AFG2A: variants seen among roughly 807,000 people sequenced by gnomAD.
AFG2A encodes ATPase family gene 2 protein homolog A.
At chr4:123,172,544 A>G in the AFG2A span, among the ~76,000 whole-genome samples, 1 of 152,172 alleles carries the variant, frequency 6.6e-6, no homozygotes, top group Non-Finnish European at 1.5e-5. Flanking sequence ...CTATAGGCGA[A>G]AAAGAGCATT....
At chr4:122,999,219 G>A in the AFG2A span, among the ~76,000 whole-genome samples, 14 of 151,548 alleles carry the variant, frequency 9.2e-5, no homozygotes, top group Non-Finnish European at 1.5e-4. Context: ...CCCTTTGTCA[G>A]ATGAGTAGGT....
chr4:123,037,104 A>ATAAC, the AFG2A span, among the ~76,000 whole-genome samples: 21 of 152,066 alleles, frequency 1.4e-4, no homozygotes, highest in Non-Finnish European at 3.1e-4. Flanking sequence ...TTGAATTGTA[A>ATAAC]TAACTAAAAG....
the AFG2A span, among the ~76,000 whole-genome samples, chr4:123,216,471 T>C: frequency 6.6e-6 from 1 of 152,110 alleles, no homozygotes; most frequent in African/African-American, 2.4e-5. Context: ...CATAACAGAA[T>C]GAGAAACTAT....
At chr4:123,078,989 T>C in the AFG2A span, among the ~76,000 whole-genome samples, 2 of 152,206 alleles carry the variant, frequency 1.3e-5, no homozygotes, top group African/African-American at 4.8e-5. Flanking sequence ...TTCTTCTGTT[T>C]TGCATTGTTT....
chr4:123,207,844 T>G, the AFG2A span, among the ~76,000 whole-genome samples: 1 of 152,190 alleles, frequency 6.6e-6, no homozygotes, highest in Admixed American at 6.5e-5. Flanking sequence ...ATTGTTAAGA[T>G]GTAGGCACTA....
At chr4:123,226,044 T>C in the AFG2A span, among the ~76,000 whole-genome samples, 1 of 152,174 alleles carries the variant, frequency 6.6e-6, no homozygotes, top group Non-Finnish European at 1.5e-5. Context: ...ACGCTTGTGA[T>C]TTTTGCACAT....
the AFG2A span, among the ~76,000 whole-genome samples, chr4:123,077,337 G>A: frequency 2.0e-5 from 3 of 152,090 alleles, no homozygotes; most frequent in South Asian, 6.2e-4. Flanking sequence ...GTGAGCCACC[G>A]TGCCTGGCCC....
At chr4:123,027,040 C>T in the AFG2A span, among the ~76,000 whole-genome samples, 1 of 152,118 alleles carries the variant, frequency 6.6e-6, no homozygotes, top group Non-Finnish European at 1.5e-5. Context: ...TTTTCTACTC[C>T]CAGAACCCAC....
chr4:123,151,732 G>T, the AFG2A span, among the ~76,000 whole-genome samples: 1 of 152,088 alleles, frequency 6.6e-6, no homozygotes, highest in Non-Finnish European at 1.5e-5. Context: ...GATTCCTCAA[G>T]GATCTAGAAA....
chr4:123,126,129 A>G, the AFG2A span, among the ~76,000 whole-genome samples: 1 of 152,102 alleles, frequency 6.6e-6, no homozygotes. Flanking sequence ...TTCACTGAAC[A>G]TTTACCTTTT....
chr4:123,214,738 G>T, the AFG2A span, among the ~76,000 whole-genome samples: 1 of 151,910 alleles, frequency 6.6e-6, no homozygotes. Flanking sequence ...AGACGATAAG[G>T]ATGAAGACAT....
At chr4:123,241,771 G>A in the AFG2A span, among the ~76,000 whole-genome samples, 6 of 152,338 alleles carry the variant, frequency 3.9e-5, no homozygotes, top group East Asian at 1.2e-3. Context: ...AGTGTTAGAA[G>A]TTCTAGCCTG....
At chr4:123,164,695 C>A in the AFG2A span, among the ~76,000 whole-genome samples, 1 of 152,152 alleles carries the variant, frequency 6.6e-6, no homozygotes, top group Non-Finnish European at 1.5e-5. Flanking sequence ...TATGCCAATA[C>A]TTTATTACTT....
the AFG2A span, among the ~76,000 whole-genome samples, chr4:122,954,133 A>G: frequency 3.9e-5 from 6 of 152,214 alleles, no homozygotes; most frequent in African/African-American, 1.4e-4. Context: ...GCCCACAACC[A>G]CCCAGCTAAG....
At chr4:123,248,614 T>A in the AFG2A span, among the ~76,000 whole-genome samples, 1 of 152,184 alleles carries the variant, frequency 6.6e-6, no homozygotes, top group African/African-American at 2.4e-5. Flanking sequence ...ATGTTTCTTC[T>A]ATCTATTAGG....
At chr4:123,121,544 C>G in the AFG2A span, among the ~76,000 whole-genome samples, 1 of 152,196 alleles carries the variant, frequency 6.6e-6, no homozygotes, top group Non-Finnish European at 1.5e-5. Flanking sequence ...TTTACTGTGC[C>G]TGCTCTTTGT....
At chr4:122,977,754 G>A in the AFG2A span, among the ~76,000 whole-genome samples, 1,222 of 152,362 alleles carry the variant, frequency 8.0e-3, 20 homozygotes, top group African/African-American at 0.027. Flanking sequence ...TGGAGGGTGA[G>A]CAAGGCAGAG....
At chr4:122,983,155 G>A in the AFG2A span, among the ~76,000 whole-genome samples, 124,607 of 152,032 alleles carry the variant, frequency 0.82, 52,546 homozygotes, top group East Asian at 0.96. Flanking sequence ...TGTGAGCACC[G>A]CGCCCAGCCT....
chr4:122,931,913 A>G, the AFG2A span, among the ~76,000 whole-genome samples: 53 of 152,284 alleles, frequency 3.5e-4, no homozygotes, highest in South Asian at 5.6e-3. Context: ...GGAGTTGGTA[A>G]ATTTGCAAAT....
Sources: allele counts gnomAD v4.1 joint callset (sites outside exome capture counted in the v4.1 genomes callset), GRCh38; gene constraint gnomAD v4.1.1; transcripts MANE v1.5; gene names NCBI Gene and HGNC (gene_info 2026-07-23, HGNC 2026-07-21).